The following SAP30 variants were observed in gnomAD, a reference collection of about 807,000 sequenced individuals.
SAP30 encodes the protein histone deacetylase complex subunit SAP30.
SAP30 carries 13 observed loss-of-function variants against 19.6 expected under a neutral mutation model. That is an observed-to-expected ratio of 0.66 (90% CI 0.43 to 1.05). SAP30 has a LOEUF of 1.05. Ranked by LOEUF, SAP30 falls within the 50% of genes least tolerant of loss-of-function variation. The pLI is 0.00. For synonymous variants in SAP30, 108 were observed against 122.7 expected, an observed-to-expected ratio of 0.88 and a Z score of 0.79; for missense variants, 257 against 292.1, an observed-to-expected ratio of 0.88 and a Z score of 0.88.
chr4:173,371,608 G>GT lies in SAP30; in HGVS notation c.315+112dup. The GT allele has an allele frequency of 6.8e-7, 1 of 1,470,902 alleles. No homozygotes were observed. Among genetic ancestry groups the GT allele is most frequent in the Non-Finnish European group, 9.0e-7 (1 of 1,108,738 alleles). The allele number at this position is 1,470,902 out of a possible 1,614,324, so 91.1% of individuals were successfully genotyped here. A position where few individuals can be genotyped will look rare whatever the true frequency, so the allele number is the denominator to read the frequency against. The stretch of plus-strand genomic sequence containing the variant: ...CCCCCAGACAACCGCACTGGCTGCA[G>GT]TGCGGTCTCGTGGAGTCTGTGTTTG... On this transcript the variant is annotated intron_variant, in intron 1 of 3. Transcript: ENST00000296504. The surrounding 1 kb of genome is among the most constrained non-coding windows in gnomAD (Gnocchi z 6.4).
chr4:173,374,158 A>C, intron 3 of SAP30, 121 bp downstream of exon 3: 1 of 525,260 alleles, frequency 1.9e-6, no homozygotes, highest in Admixed American at 3.7e-5. Flanking sequence ...CAAAGTTAAA[A>C]AATCTGTTGT....
chr4:173,375,761 C>G (rs879928682), intron 3 of SAP30, among the ~76,000 whole-genome samples: 2 of 152,146 alleles, frequency 1.3e-5, no homozygotes, highest in Non-Finnish European at 2.9e-5. Context: ...AGAGGGGTCC[C>G]CAACCCCAGG....
At chr4:173,376,681 T>C (rs938840324) in intron 3 of SAP30, among the ~76,000 whole-genome samples, 1 of 152,158 alleles carries the variant, frequency 6.6e-6, no homozygotes, top group Non-Finnish European at 1.5e-5. Context: ...TCCAGTGGCA[T>C]GATCTCAGCT....
chr4:173,376,245 G>A (rs76735468), intron 3 of SAP30, among the ~76,000 whole-genome samples: 2,195 of 152,300 alleles, frequency 0.014, 40 homozygotes, highest in Non-Finnish European at 0.022. Flanking sequence ...ATTGTAGTAT[G>A]CATGTTATGT....
chr4:173,371,274 C>G lies in SAP30; in HGVS notation c.92C>G (p.Ser31Trp). ...GTCGCTGCCGCGGCCGCCGCCGCCTCGGCGGGGAACGGGACCGGCGCGGGC... is the reference window on the plus strand; with the variant it reads ...GTCGCTGCCGCGGCCGCCGCCGCCTGGGCGGGGAACGGGACCGGCGCGGGC... ...AVVAAAAAAA[S>W]AGNGTGAGTG... is the part of the protein sequence containing the mutation. The change falls in exon 1 of 4, where the codon TCG becomes TGG. Residue 31 changes from serine (S) to tryptophan (W), a missense_variant. Transcript: ENST00000296504. The surrounding 1 kb of genome is among the most constrained non-coding windows in gnomAD (Gnocchi z 6.4). 1 of 1,268,698 alleles carries G rather than the reference C, an allele frequency of 7.9e-7. No individual in the cohort carries two copies. The highest frequency in any genetic ancestry group is 9.9e-7 in the Non-Finnish European group (1 of 1,009,802). 78.6% of individuals were successfully genotyped at this position (1,268,698 alleles called of 1,614,324 possible).
rs141124003 is a variant in SAP30, at chr4:173,372,943, C to T, written c.316-447C>T. ...GATTACAGGCTACTGCCACCATGCC[C>T]GCCTAATTTTTTGTATTTTTAGTAG... On this transcript the variant is annotated intron_variant, in intron 1 of 3. Coordinates refer to ENST00000296504, the MANE Select transcript of SAP30 (RefSeq NM_003864.4). 2.9e-3 allele frequency among the ~76,000 whole-genome samples: 443 copies of T among 152,244 alleles called. 4 individuals are homozygous for T. The highest frequency in any genetic ancestry group is 9.8e-3 in the African/African-American group (405 of 41,538).
chr4:173,373,381 C>A lies in SAP30; in HGVS notation c.316-9C>A. The A allele has an allele frequency of 6.3e-7, 1 of 1,594,842 alleles. No homozygotes were observed. ...ATCATAAGCAGTGTGTAAAACTTTT[C>A]TGTTTCAGGCAAGGCATCTTTACAT... On this transcript the variant is annotated splice_polypyrimidine_tract_variant and intron_variant, in intron 1 of 3. Transcript: ENST00000296504.
At chr4:173,376,989 G>A (rs1739055838) in intron 3 of SAP30, among the ~76,000 whole-genome samples, 1 of 151,908 alleles carries the variant, frequency 6.6e-6, no homozygotes, top group Admixed American at 6.6e-5. Context: ...AAATTGAGTG[G>A]GTCAAAGGGT....
Sources: allele counts gnomAD v4.1 joint callset (sites outside exome capture counted in the v4.1 genomes callset), GRCh38; gene constraint gnomAD v4.1.1; non-coding constraint Gnocchi (gnomAD v3.1); transcripts MANE v1.5; gene names NCBI Gene and HGNC (gene_info 2026-07-23, HGNC 2026-07-21).